The following PTPRG variants were observed in gnomAD, a reference collection of about 807,000 sequenced individuals.
The protein encoded by PTPRG is receptor-type tyrosine-protein phosphatase gamma.
PTPRG carries 102 observed loss-of-function variants against 165.3 expected under a neutral mutation model. The ratio of observed to expected loss-of-function variants is 0.62; its 90% CI spans 0.53 to 0.73. PTPRG has a LOEUF of 0.73. Ranked by LOEUF, PTPRG falls within the 30% of genes least tolerant of loss-of-function variation. The pLI is 0.00. For synonymous variants in PTPRG, 675 were observed against 669.5 expected (o/e 1.01, Z -0.13); for missense variants, 1,866 against 1,861.4 (o/e 1.00, Z -0.05).
rs570484271 is a variant in PTPRG, at chr3:61,944,390, G to A, written c.191-45235G>A. Among the ~76,000 whole-genome samples the A allele has an allele frequency of 1.4e-4, 21 of 152,294 alleles. No individual in the cohort carries two copies. The East Asian group carries it at 4.1e-3, about 29-fold the overall frequency. ...GCAGTGGGATTCTTCTTGGCTTGTG[G>A]CATTGTACAGCAGGTGGACACCGTG... is the stretch of plus-strand genomic sequence containing the variant. On this transcript the variant is annotated intron_variant, in intron 2 of 29. Transcript: ENST00000474889.
intron 1 of PTPRG, among the ~76,000 whole-genome samples, chr3:61,672,164 C>T (rs998737807): frequency 1.4e-5 from 2 of 145,352 alleles, no homozygotes; most frequent in Non-Finnish European, 3.0e-5. Flanking sequence ...GATGTGATGG[C>T]GGCCGGGAAG....
chr3:62,283,989 A>C (rs922310527), intron 28 of PTPRG, among the ~76,000 whole-genome samples: 3 of 152,154 alleles, frequency 2.0e-5, no homozygotes, highest in Non-Finnish European at 4.4e-5. Context: ...AATAGCACAG[A>C]CAGCCTCAAA....
intron 1 of PTPRG, among the ~76,000 whole-genome samples, chr3:61,721,420 T>A (rs1438046645): frequency 6.6e-6 from 1 of 152,204 alleles, no homozygotes; most frequent in African/African-American, 2.4e-5. Context: ...AGAGACACTA[T>A]GCAATTGAGT....
intron 5 of PTPRG, among the ~76,000 whole-genome samples, chr3:62,120,028 A>G (rs1042475410): frequency 6.6e-6 from 1 of 152,164 alleles, no homozygotes; most frequent in African/African-American, 2.4e-5. Context: ...CCAGATGCCC[A>G]GGCCACACCC....
rs1373033882 is a variant in PTPRG, at chr3:62,267,608, A to T, written c.2740-77A>T. On this transcript the variant is annotated intron_variant, in intron 18 of 29. Transcript: ENST00000474889. ...TCACTAAAAACAAAGCCCATTCAAT[A>T]TGGAAGGCATTTGAATTATTGACTG... 5 of 1,547,852 alleles carry T rather than the reference A, an allele frequency of 3.2e-6. No homozygotes were observed. In the African/African-American group the frequency reaches 6.9e-5, roughly 21 times the overall value.
At chr3:62,177,055 G>A (rs1048656372) in intron 8 of PTPRG, among the ~76,000 whole-genome samples, 3 of 152,010 alleles carry the variant, frequency 2.0e-5, no homozygotes, top group Non-Finnish European at 4.4e-5. Context: ...CTTGAGACCA[G>A]CAGTTCCTGA....
chr3:62,021,301 A>G, intron 4 of PTPRG, among the ~76,000 whole-genome samples: 1 of 152,208 alleles, frequency 6.6e-6, no homozygotes, highest in Non-Finnish European at 1.5e-5. Context: ...TACTTAGATC[A>G]TATATCTGGG....
chr3:62,022,323 G>T (rs933760268), intron 4 of PTPRG, among the ~76,000 whole-genome samples: 1 of 152,184 alleles, frequency 6.6e-6, no homozygotes. Context: ...GTAAGAACTA[G>T]ATCATAAAAT....
At chr3:61,629,896 C>T (rs1445866827) in intron 1 of PTPRG, among the ~76,000 whole-genome samples, 2 of 152,178 alleles carry the variant, frequency 1.3e-5, no homozygotes, top group African/African-American at 2.4e-5. Flanking sequence ...AAGGGCCCTT[C>T]TGTCAAGCTG....
At chr3:62,115,502 T>A (rs1259374865) in intron 5 of PTPRG, among the ~76,000 whole-genome samples, 1 of 152,218 alleles carries the variant, frequency 6.6e-6, no homozygotes, top group Non-Finnish European at 1.5e-5. Context: ...TGCTCTTTAC[T>A]GATAGCCAAA....
intron 2 of PTPRG, among the ~76,000 whole-genome samples, chr3:61,822,884 A>G (rs1008586364): frequency 3.3e-5 from 5 of 152,174 alleles, no homozygotes; most frequent in East Asian, 3.9e-4. Flanking sequence ...AGGAAAGGCA[A>G]TATTTGTTTT....
chr3:61,989,830 C>T, intron 3 of PTPRG, 26 bp downstream of exon 3: 1 of 1,610,482 alleles, frequency 6.2e-7, no homozygotes, highest in Non-Finnish European at 8.5e-7. Flanking sequence ...TTTATTTGTC[C>T]ACAGAGCAAC....
intron 14 of PTPRG, among the ~76,000 whole-genome samples, chr3:62,232,299 C>T (rs1044465525): frequency 6.6e-6 from 1 of 152,144 alleles, no homozygotes; most frequent in African/African-American, 2.4e-5. Flanking sequence ...CTGTACTGTG[C>T]AATTTTGGCC....
chr3:61,789,273 A>G (rs937121854), intron 2 of PTPRG, among the ~76,000 whole-genome samples: 38 of 151,876 alleles, frequency 2.5e-4, no homozygotes, highest in Admixed American at 2.5e-3. Context: ...CTCATTTTTT[A>G]AAATTTTTTG....
At chr3:61,841,482 C>G (rs960593010) in intron 2 of PTPRG, among the ~76,000 whole-genome samples, 1 of 152,206 alleles carries the variant, frequency 6.6e-6, no homozygotes, top group Non-Finnish European at 1.5e-5. Flanking sequence ...GGGCATTGAA[C>G]TAACAGGAGG....
chr3:61,923,119 AG>A, intron 2 of PTPRG, among the ~76,000 whole-genome samples: 1 of 133,786 alleles, frequency 7.5e-6, no homozygotes, highest in Admixed American at 7.6e-5. Context: ...AGAGCTTAGT[AG>A]GTACTGATTA....
intron 2 of PTPRG, among the ~76,000 whole-genome samples, chr3:61,910,966 G>A (rs1426293015): frequency 6.6e-6 from 1 of 152,162 alleles, no homozygotes; most frequent in Non-Finnish European, 1.5e-5. Flanking sequence ...GAAGACCTCT[G>A]CCTTATTCTT....
At chr3:61,792,351 G>A (rs1229969922) in intron 2 of PTPRG, among the ~76,000 whole-genome samples, 7 of 151,860 alleles carry the variant, frequency 4.6e-5, no homozygotes, top group East Asian at 3.9e-4. Context: ...TCACCCCTCC[G>A]TAGCTGGGAC....
chr3:62,286,136 G>A (rs1323517266), intron 28 of PTPRG, among the ~76,000 whole-genome samples: 1 of 152,102 alleles, frequency 6.6e-6, no homozygotes, highest in African/African-American at 2.4e-5. Context: ...ATTTGGCCCT[G>A]AGATCAAAGA....
Sources: gnomAD v4.1 joint callset for allele counts (sites outside exome capture counted in the v4.1 genomes callset) on GRCh38, gnomAD v4.1.1 for gene constraint, MANE v1.5 for transcripts, NCBI Gene and HGNC (gene_info 2026-07-23, HGNC 2026-07-21) for gene names.